Variants in SCAF4 observed in about 807,000 individuals in gnomAD.
The protein encoded by SCAF4 is SR-related and CTD-associated factor 4.
A neutral mutation model predicts 129.8 loss-of-function variants in SCAF4; 25 were observed. The ratio of observed to expected loss-of-function variants is 0.19; its 90% CI spans 0.14 to 0.27. SCAF4 has a LOEUF of 0.27. Ranked by LOEUF, SCAF4 falls within the 10% of genes least tolerant of loss-of-function variation. SCAF4 has a pLI of 1.00. For synonymous variants in SCAF4, 551 were observed against 497.7 expected (o/e 1.11, Z -1.43); for missense variants, 1,246 against 1,457.1 (o/e 0.86, Z 2.36).
intron 1 of SCAF4, among the ~76,000 whole-genome samples, chr21:31,725,945 AAATT>A (rs763115623): frequency 1.8e-4 from 28 of 152,186 alleles, no homozygotes; most frequent in Admixed American, 3.3e-4. Flanking sequence ...TATTTTTAGT[AAATT>A]AATAAACACT....
At chr21:31,681,331 G>C (rs1273860618) in intron 19 of SCAF4, among the ~76,000 whole-genome samples, 1 of 152,128 alleles carries the variant, frequency 6.6e-6, no homozygotes, top group Non-Finnish European at 1.5e-5. Flanking sequence ...GGATATACTG[G>C]TAACACAGTA....
chr21:31,728,554 G>A (rs913193918), intron 1 of SCAF4, among the ~76,000 whole-genome samples: 1 of 152,088 alleles, frequency 6.6e-6, no homozygotes, highest in African/African-American at 2.4e-5. Context: ...TGCCCTTAGG[G>A]GAGTTACTAT....
intron 1 of SCAF4, among the ~76,000 whole-genome samples, chr21:31,717,099 T>C (rs2050937412): frequency 6.6e-6 from 1 of 152,178 alleles, no homozygotes; most frequent in African/African-American, 2.4e-5. Context: ...GACATGCATG[T>C]GGACTAGCAT....
rs1012051214 is a variant in SCAF4 at position 31,695,020 on chromosome 21, A to AAATAATTTGG, written c.1069-50_1069-41dup. 4 of 1,541,510 alleles carry AAATAATTTGG rather than the reference A, an allele frequency of 2.6e-6. No individual in the cohort carries two copies. In the African/African-American group the frequency reaches 5.6e-5, roughly 21 times the overall value. ...GAAAGTGTATGAGTAATAGCTATCA[A>AAATAATTTGG]AATAATTTGGAAAACCTTTAGTTAT... On this transcript the variant is annotated intron_variant, in intron 9 of 19. Transcript: ENST00000286835.
At chr21:31,700,675 A>G in intron 7 of SCAF4, 1 of 335,952 alleles carries the variant, frequency 3.0e-6, no homozygotes, top group Admixed American at 4.6e-5. Context: ...GCAAAATGTT[A>G]CACAGTAATC....
intron 7 of SCAF4, among the ~76,000 whole-genome samples, chr21:31,698,795 A>T (rs1461481108): frequency 4.6e-5 from 7 of 152,222 alleles, no homozygotes; most frequent in Admixed American, 3.9e-4. Context: ...ATTCAGACTC[A>T]GGCCTACAAT....
intron 19 of SCAF4, among the ~76,000 whole-genome samples, chr21:31,677,968 T>C (rs773854487): frequency 6.6e-6 from 1 of 151,782 alleles, no homozygotes; most frequent in Non-Finnish European, 1.5e-5. Context: ...CGTGGAACTA[T>C]GTCTACCTTA....
chr21:31,727,566 G>A (rs1330545487), intron 1 of SCAF4, among the ~76,000 whole-genome samples: 1 of 152,104 alleles, frequency 6.6e-6, no homozygotes, highest in Admixed American at 6.5e-5. Flanking sequence ...AGGCCAGGAG[G>A]GTGGATCACG....
intron 19 of SCAF4, among the ~76,000 whole-genome samples, chr21:31,679,942 A>G (rs1479493535): frequency 1.3e-5 from 2 of 152,212 alleles, no homozygotes; most frequent in African/African-American, 4.8e-5. Context: ...TCACTATTAG[A>G]GTCAATAAAC....
At chr21:31,706,523 C>G (rs965258377) in intron 1 of SCAF4, 166 bp from the exon 2 acceptor site, 6 of 598,160 alleles carry the variant, frequency 1.0e-5, no homozygotes, top group Non-Finnish European at 1.8e-5. Flanking sequence ...TGGCCAGGCA[C>G]CCAGCACACA....
At chr21:31,710,662 A>G (rs1196981633) in intron 1 of SCAF4, among the ~76,000 whole-genome samples, 1 of 152,250 alleles carries the variant, frequency 6.6e-6, no homozygotes, top group Non-Finnish European at 1.5e-5. Context: ...AGGACAAAGT[A>G]GAATCCCAGA....
intron 1 of SCAF4, among the ~76,000 whole-genome samples, chr21:31,716,082 G>A (rs2050914499): frequency 6.6e-6 from 1 of 152,074 alleles, no homozygotes; most frequent in South Asian, 2.1e-4. Context: ...AGTTGCCGAG[G>A]CAATAAGAAT....
chr21:31,725,872 T>G (rs2051189289), intron 1 of SCAF4, among the ~76,000 whole-genome samples: 1 of 152,234 alleles, frequency 6.6e-6, no homozygotes, highest in African/African-American at 2.4e-5. Context: ...TTTTTTTGTT[T>G]TAGAAACGTT....
chr21:31,702,293 C>T lies in SCAF4; in HGVS notation c.408G>A (p.Ala136=), dbSNP rs140603862. ...CTACTGGGGCTGCATTACTGGTTCCCGCTGCCATGTCCAAAAGAGGTTGAA... is the reference window on the plus strand; with the variant it reads ...CTACTGGGGCTGCATTACTGGTTCCTGCTGCCATGTCCAAAAGAGGTTGAA... ...EIIQPLLDMA[A]GTSNAAPVAE... Residue 136 remains alanine (A), a synonymous_variant, in exon 5 of 20, where the codon GCG becomes GCA. Coordinates refer to ENST00000286835, the MANE Select transcript of SCAF4 (RefSeq NM_020706.2). The T allele has an allele frequency of 2.8e-5, 45 of 1,614,062 alleles. No individual in the cohort carries two copies. The African/African-American group carries it at 3.7e-4, about 13-fold the overall frequency.
intron 19 of SCAF4, among the ~76,000 whole-genome samples, chr21:31,675,393 T>C (rs897443829): frequency 6.6e-6 from 1 of 152,142 alleles, no homozygotes; most frequent in Non-Finnish European, 1.5e-5. Flanking sequence ...TAGGCACTTA[T>C]TCGGAGAATC....
intron 8 of SCAF4, 122 bp from the exon 9 acceptor site, chr21:31,696,343 T>C (rs2050385392): frequency 5.5e-6 from 4 of 732,612 alleles, no homozygotes; most frequent in Admixed American, 6.0e-5. Flanking sequence ...TATATTTACC[T>C]ATATATTAAA....
intron 19 of SCAF4, among the ~76,000 whole-genome samples, chr21:31,674,083 C>A (rs1203563297): frequency 6.6e-6 from 1 of 152,148 alleles, no homozygotes; most frequent in Admixed American, 6.5e-5. Flanking sequence ...ATGGGAAGGT[C>A]CTACTCCTGA....
intron 1 of SCAF4, chr21:31,712,951 C>G: frequency 2.7e-6 from 2 of 738,902 alleles, no homozygotes; most frequent in South Asian, 1.2e-4. Flanking sequence ...ACTCCTACCC[C>G]CTCTCACATA....
At chr21:31,676,451 GC>G (rs2049858534) in intron 19 of SCAF4, among the ~76,000 whole-genome samples, 1 of 151,960 alleles carries the variant, frequency 6.6e-6, no homozygotes, top group Non-Finnish European at 1.5e-5. Flanking sequence ...CACCATATCT[GC>G]CTGGAAAATC....
Sources: allele counts gnomAD v4.1 joint callset (sites outside exome capture counted in the v4.1 genomes callset), GRCh38; gene constraint gnomAD v4.1.1; transcripts MANE v1.5; gene names NCBI Gene and HGNC (gene_info 2026-07-23, HGNC 2026-07-21).